Variants in PABPC4L observed in about 807,000 individuals in gnomAD.
PABPC4L encodes poly(A) binding protein cytoplasmic 4 like.
For missense variants in PABPC4L, 452 were observed against 451.4 expected, an observed-to-expected ratio of 1.00 and a Z score of -0.01; for synonymous variants, 169 against 164.1, an observed-to-expected ratio of 1.03 and a Z score of -0.23.
the PABPC4L span, among the ~76,000 whole-genome samples, chr4:134,057,482 T>A: frequency 0.55 from 83,065 of 151,598 alleles, 23,586 homozygotes; most frequent in East Asian, 0.94. Flanking sequence ...AGAGGGAGGA[T>A]TGATTTGTCA....
At chr4:134,192,495 GTAAATTTATACTTGAAAA>G (rs1219169945), downstream of PABPC4L, among the ~76,000 whole-genome samples, 3 of 151,906 alleles carry the variant, frequency 2.0e-5, no homozygotes, top group African/African-American at 7.2e-5. Context: ...TTAAAAACCA[GTAAATTTATACTTGAAAA>G]TAAATTTATA....
the PABPC4L span, among the ~76,000 whole-genome samples, chr4:134,160,130 C>T: frequency 6.6e-6 from 1 of 151,842 alleles, no homozygotes; most frequent in Non-Finnish European, 1.5e-5. Context: ...GCATTAGTGG[C>T]CACAAGCCTT....
At chr4:134,077,869 C>T in the PABPC4L span, among the ~76,000 whole-genome samples, 7 of 151,988 alleles carry the variant, frequency 4.6e-5, no homozygotes, top group Admixed American at 1.3e-4. Context: ...GATCATGCTT[C>T]GGCAATCAAT....
the PABPC4L span, among the ~76,000 whole-genome samples, chr4:133,997,869 C>T: frequency 3.9e-3 from 600 of 152,162 alleles, 6 homozygotes; most frequent in African/African-American, 0.014. Flanking sequence ...CTGAAGTTAT[C>T]TTGTCTTATC....
At chr4:134,120,479 T>C in the PABPC4L span, among the ~76,000 whole-genome samples, 1 of 150,596 alleles carries the variant, frequency 6.6e-6, no homozygotes, top group Non-Finnish European at 1.5e-5. Flanking sequence ...TCATTCCTTC[T>C]TCTTGTATGT....
chr4:134,051,124 CA>C, the PABPC4L span, among the ~76,000 whole-genome samples: 1 of 151,934 alleles, frequency 6.6e-6, no homozygotes, highest in Admixed American at 6.6e-5. Context: ...TGCTATCAAA[CA>C]AAAATCTGAA....
At chr4:134,157,337 A>T in the PABPC4L span, among the ~76,000 whole-genome samples, 1 of 151,228 alleles carries the variant, frequency 6.6e-6, no homozygotes, top group Non-Finnish European at 1.5e-5. Flanking sequence ...ACTTTGCTGT[A>T]CTTAAGACAA....
the PABPC4L span, among the ~76,000 whole-genome samples, chr4:134,043,590 G>T: frequency 6.6e-6 from 1 of 151,906 alleles, no homozygotes; most frequent in African/African-American, 2.4e-5. Context: ...TGAGAAGCAG[G>T]TACCAAAGTT....
the PABPC4L span, among the ~76,000 whole-genome samples, chr4:134,163,910 G>A: frequency 1.3e-5 from 2 of 152,068 alleles, no homozygotes; most frequent in Non-Finnish European, 2.9e-5. Context: ...AAAGTTGAAA[G>A]CATCCCCACA....
the PABPC4L span, among the ~76,000 whole-genome samples, chr4:134,003,389 A>G: frequency 6.6e-5 from 10 of 151,812 alleles, no homozygotes; most frequent in African/African-American, 2.4e-4. Context: ...TGCATATTTC[A>G]TCTGTTTATG....
the PABPC4L span, among the ~76,000 whole-genome samples, chr4:134,005,790 G>T: frequency 6.6e-6 from 1 of 151,726 alleles, no homozygotes; most frequent in Non-Finnish European, 1.5e-5. Flanking sequence ...TTTAGATTGG[G>T]CTGTGAAAGT....
At chr4:134,078,638 A>T in the PABPC4L span, among the ~76,000 whole-genome samples, 1 of 142,142 alleles carries the variant, frequency 7.0e-6, no homozygotes, top group South Asian at 2.3e-4. Context: ...CAGCATAGAG[A>T]TAAGTTTTGT....
At chr4:134,080,491 GA>G in the PABPC4L span, among the ~76,000 whole-genome samples, 3 of 151,740 alleles carry the variant, frequency 2.0e-5, no homozygotes, top group East Asian at 3.9e-4. Context: ...TTATTACCAA[GA>G]AAAAAAATCC....
chr4:134,186,783 A>C, the PABPC4L span, among the ~76,000 whole-genome samples: 2 of 152,182 alleles, frequency 1.3e-5, no homozygotes, highest in African/African-American at 2.4e-5. Flanking sequence ...AAATTTTTGC[A>C]ATCTACCCAT....
At chr4:133,991,750 T>G in the PABPC4L span, among the ~76,000 whole-genome samples, 1 of 152,156 alleles carries the variant, frequency 6.6e-6, no homozygotes, top group Non-Finnish European at 1.5e-5. Context: ...AGTTGCGTGT[T>G]AAATTGACTG....
chr4:134,083,924 G>A, the PABPC4L span, among the ~76,000 whole-genome samples: 1 of 151,960 alleles, frequency 6.6e-6, no homozygotes, highest in African/African-American at 2.4e-5. Context: ...ATTTATTCAT[G>A]TACATTTATT....
the PABPC4L span, among the ~76,000 whole-genome samples, chr4:133,998,497 T>C: frequency 6.6e-6 from 1 of 152,170 alleles, no homozygotes; most frequent in South Asian, 2.1e-4. Flanking sequence ...TACACCTTTA[T>C]AATAAGCTTT....
chr4:134,118,960 GA>G, the PABPC4L span, among the ~76,000 whole-genome samples: 1 of 141,942 alleles, frequency 7.0e-6, no homozygotes, highest in African/African-American at 2.5e-5. Context: ...TTTATAGCAT[GA>G]TTTTTTTTCT....
chr4:133,970,742 G>C, the PABPC4L span, among the ~76,000 whole-genome samples: 9 of 152,064 alleles, frequency 5.9e-5, no homozygotes, highest in African/African-American at 2.2e-4. Flanking sequence ...GGTCATGAGA[G>C]CACAGCTCTT....
Sources: gnomAD v4.1 joint callset for allele counts (sites outside exome capture counted in the v4.1 genomes callset) on GRCh38, gnomAD v4.1.1 for gene constraint, MANE v1.5 for transcripts, NCBI Gene and HGNC (gene_info 2026-07-23, HGNC 2026-07-21) for gene names.